The following FARP1 variants were observed in gnomAD, a reference collection of about 807,000 sequenced individuals.
FARP1 encodes FERM, ARH/RhoGEF and pleckstrin domain protein 1.
Under a neutral mutation model 128.8 loss-of-function variants are expected in FARP1, and 52 were observed. That is an observed-to-expected ratio of 0.40 (90% CI 0.32 to 0.51). The LOEUF (loss-of-function observed/expected upper bound fraction) is 0.51. Among genes scored for constraint, FARP1 ranks in the 20% least tolerant of loss-of-function variants. The pLI is 0.45. For missense variants in FARP1, 1,333 were observed against 1,367.9 expected, an observed-to-expected ratio of 0.97 and a Z score of 0.40; for synonymous variants, 580 against 551.8, an observed-to-expected ratio of 1.05 and a Z score of -0.72.
chr13:98,342,798 G>A lies in FARP1; in HGVS notation c.172-964G>A, dbSNP rs546417774. ...CCAGCACTTTGGGAGGCTGAGGGAG[G>A]TGGATCACCTGAGGTGGGGAGTTTG... On this transcript the variant is annotated intron_variant, in intron 2 of 26. Transcript: ENST00000319562. Among the ~76,000 whole-genome samples, 32 of 152,210 alleles carry A rather than the reference G, an allele frequency of 2.1e-4. No individual in the cohort carries two copies. In the South Asian group the frequency reaches 6.4e-3, roughly 31 times the overall value.
chr13:98,335,802 G>A (rs994935859), intron 2 of FARP1, among the ~76,000 whole-genome samples: 2 of 152,142 alleles, frequency 1.3e-5, no homozygotes, highest in African/African-American at 4.8e-5. Flanking sequence ...AGAGTTGGTG[G>A]GTTATAGGAT....
intron 13 of FARP1, chr13:98,402,509 AGATGAC>A (rs1298303901): frequency 6.6e-6 from 1 of 152,250 alleles, no homozygotes; most frequent in Non-Finnish European, 1.5e-5. Context: ...TATTACTCAT[AGATGAC>A]CTTTTCTGGC....
intron 2 of FARP1, among the ~76,000 whole-genome samples, chr13:98,304,384 T>C (rs1886047418): frequency 1.3e-5 from 2 of 152,214 alleles, no homozygotes; most frequent in African/African-American, 4.8e-5. Flanking sequence ...GTTTATAGAT[T>C]ATCAAGGGCT....
At chr13:98,408,800 G>A (rs1891076350) in intron 13 of FARP1, among the ~76,000 whole-genome samples, 1 of 152,222 alleles carries the variant, frequency 6.6e-6, no homozygotes, top group Non-Finnish European at 1.5e-5. Flanking sequence ...TGAGAGACAT[G>A]GAATGACATC....
intron 3 of FARP1, among the ~76,000 whole-genome samples, chr13:98,352,406 G>A (rs979164506): frequency 1.3e-5 from 2 of 152,272 alleles, no homozygotes; most frequent in East Asian, 1.9e-4. Context: ...CTTGAGACGG[G>A]CCATCACTCA....
chr13:98,413,793 C>T (rs1044259865), intron 16 of FARP1, among the ~76,000 whole-genome samples: 1 of 152,178 alleles, frequency 6.6e-6, no homozygotes, highest in Non-Finnish European at 1.5e-5. Flanking sequence ...GGGTCAAAGA[C>T]CTTACAACTC....
At chr13:98,203,624 G>A (rs564099713) in intron 1 of FARP1, among the ~76,000 whole-genome samples, 2 of 152,144 alleles carry the variant, frequency 1.3e-5, no homozygotes, top group Non-Finnish European at 2.9e-5. Context: ...TGGATAGATC[G>A]CATTTGGTTT....
At chr13:98,218,829 A>G (rs1881253070) in intron 2 of FARP1, among the ~76,000 whole-genome samples, 1 of 152,214 alleles carries the variant, frequency 6.6e-6, no homozygotes, top group South Asian at 2.1e-4. Flanking sequence ...TATTTTCTTG[A>G]TAATACATTA....
chr13:98,197,751 C>G (rs1463201730), intron 1 of FARP1, among the ~76,000 whole-genome samples: 2 of 151,830 alleles, frequency 1.3e-5, no homozygotes, highest in Non-Finnish European at 2.9e-5. Flanking sequence ...TCTTCTGCCT[C>G]AGCCTCCCGA....
chr13:98,405,051 C>A (rs941261505), intron 13 of FARP1: 1 of 152,152 alleles, frequency 6.6e-6, no homozygotes, highest in Non-Finnish European at 1.5e-5. Context: ...AAATGTTTTT[C>A]TTTTCCCAGA....
At chr13:98,150,641 T>C (rs1044973774) in intron 1 of FARP1, among the ~76,000 whole-genome samples, 13 of 152,190 alleles carry the variant, frequency 8.5e-5, no homozygotes, top group Non-Finnish European at 1.9e-4. Flanking sequence ...AGCACATTTC[T>C]TGTCTGTAAG....
rs1228600256 is a variant in FARP1 at position 98,449,552 on chromosome 13, C to A, written c.*1235C>A. 2.6e-5 allele frequency: 4 copies of A among 152,618 alleles called. No homozygotes were observed. The highest frequency in any genetic ancestry group is 6.5e-5 in the Admixed American group (1 of 15,274). 9.5% of individuals were successfully genotyped at this position (152,618 alleles called of 1,614,324 possible). A position where few individuals can be genotyped will look rare whatever the true frequency, so the allele number is the denominator to read the frequency against. ...ACCCCATTCTTTCCAGCGCCCCGCA[C>A]CATAGCACCTGCCCACCTGAGAACC... On this transcript the variant is annotated 3_prime_UTR_variant, in exon 27 of 27. Transcript: ENST00000319562.
At chr13:98,404,408 A>AGCGGG (rs71292878) in intron 13 of FARP1, 53,844 of 151,770 alleles carry the variant, frequency 0.35, 9,796 homozygotes, top group Non-Finnish European at 0.4. Flanking sequence ...TATTCCACTG[A>AGCGGG]GCCCCAACTT....
chr13:98,188,632 G>T (rs895330009), intron 1 of FARP1, among the ~76,000 whole-genome samples: 8 of 152,106 alleles, frequency 5.3e-5, no homozygotes, highest in African/African-American at 1.9e-4. Context: ...GGCTTAAAGC[G>T]GTGCCCTTGT....
At chr13:98,265,445 A>G (rs1003368062) in intron 2 of FARP1, among the ~76,000 whole-genome samples, 18 of 145,966 alleles carry the variant, frequency 1.2e-4, no homozygotes, top group East Asian at 8.1e-4. Context: ...TCAGCCTCCC[A>G]AGTAGCTGGG....
intron 2 of FARP1, among the ~76,000 whole-genome samples, chr13:98,222,583 G>C (rs1379597892): frequency 6.6e-6 from 1 of 151,876 alleles, no homozygotes; most frequent in Admixed American, 6.6e-5. Flanking sequence ...ACAACATGTT[G>C]GCTGTGCTAG....
intron 5 of FARP1, among the ~76,000 whole-genome samples, chr13:98,372,908 G>T (rs1263349112): frequency 1.3e-5 from 2 of 152,170 alleles, no homozygotes; most frequent in African/African-American, 4.8e-5. Context: ...CCTCTAGCTC[G>T]CGTGAGACTG....
At chr13:98,393,851 T>C (rs1594483488) in intron 12 of FARP1, 133 bp downstream of exon 12, 16 of 702,046 alleles carry the variant, frequency 2.3e-5, no homozygotes, top group South Asian at 2.0e-4. Flanking sequence ...AATCTGATTA[T>C]GGGCCTTGGC....
chr13:98,221,217 G>T (rs1185466481), intron 2 of FARP1, among the ~76,000 whole-genome samples: 1 of 152,180 alleles, frequency 6.6e-6, no homozygotes, highest in Non-Finnish European at 1.5e-5. Context: ...ATGAAAGTAG[G>T]TTGTCTTCCT....
Sources: allele counts gnomAD v4.1 joint callset (sites outside exome capture counted in the v4.1 genomes callset), GRCh38; gene constraint gnomAD v4.1.1; transcripts MANE v1.5; gene names NCBI Gene and HGNC (gene_info 2026-07-23, HGNC 2026-07-21).